The following DARS1 variants were observed in gnomAD, a reference collection of about 807,000 sequenced individuals.
The protein encoded by DARS1 is aspartate--tRNA ligase, cytoplasmic.
A neutral mutation model predicts 68.8 loss-of-function variants in DARS1; 51 were observed. The ratio of observed to expected loss-of-function variants is 0.74; its 90% CI spans 0.59 to 0.94. The LOEUF is 0.94. Ranked by LOEUF, DARS1 falls within the 40% of genes least tolerant of loss-of-function variation. The pLI is 0.00. For synonymous variants in DARS1, 203 were observed against 190.4 expected, an observed-to-expected ratio of 1.07 and a Z score of -0.55; for missense variants, 607 against 597.3, an observed-to-expected ratio of 1.02 and a Z score of -0.17.
At chr2:135,921,758 A>G (rs1681114014) in intron 9 of DARS1, among the ~76,000 whole-genome samples, 1 of 152,148 alleles carries the variant, frequency 6.6e-6, no homozygotes, top group Admixed American at 6.6e-5. Flanking sequence ...CCCCAGATTT[A>G]CTGATCAGAA....
At chr2:135,966,832 T>C (rs1553447792) in intron 3 of DARS1, among the ~76,000 whole-genome samples, 1 of 152,194 alleles carries the variant, frequency 6.6e-6, no homozygotes, top group Non-Finnish European at 1.5e-5. Context: ...TCTTTTGATA[T>C]TTTAAATTTA....
At chr2:135,969,167 C>G (rs1359297799) in intron 3 of DARS1, among the ~76,000 whole-genome samples, 1 of 152,006 alleles carries the variant, frequency 6.6e-6, no homozygotes, top group East Asian at 1.9e-4. Flanking sequence ...TGGAGAAATA[C>G]TACCTCGTGT....
chr2:135,908,929 T>C (rs193137506), intron 15 of DARS1, among the ~76,000 whole-genome samples: 2 of 152,280 alleles, frequency 1.3e-5, no homozygotes, highest in Non-Finnish European at 2.9e-5. Flanking sequence ...GTAGTACATA[T>C]ATACCACGGA....
intron 7 of DARS1, among the ~76,000 whole-genome samples, chr2:135,927,568 A>G (rs1193775275): frequency 6.6e-6 from 1 of 152,112 alleles, no homozygotes; most frequent in African/African-American, 2.4e-5. Context: ...ATTCCATAAT[A>G]TGTAAAAAAA....
At chr2:135,975,220 C>A (rs1682468642) in intron 3 of DARS1, among the ~76,000 whole-genome samples, 1 of 152,038 alleles carries the variant, frequency 6.6e-6, no homozygotes, top group South Asian at 2.1e-4. Context: ...TGGCAGGTGT[C>A]TGTAGTCCCA....
intron 13 of DARS1, 35 bp downstream of exon 13, chr2:135,912,451 C>T (rs1414737430): frequency 1.3e-6 from 1 of 762,052 alleles, no homozygotes; most frequent in Non-Finnish European, 2.3e-6. Flanking sequence ...TTCCCTTCTG[C>T]CTCAAAATGG....
chr2:135,962,414 T>C (rs1399645588), intron 3 of DARS1, among the ~76,000 whole-genome samples: 1 of 152,228 alleles, frequency 6.6e-6, no homozygotes, highest in Non-Finnish European at 1.5e-5. Flanking sequence ...CAGATTGTTT[T>C]GTAAAACATC....
intron 15 of DARS1, among the ~76,000 whole-genome samples, chr2:135,909,404 A>G (rs933185595): frequency 1.3e-5 from 2 of 152,204 alleles, no homozygotes; most frequent in South Asian, 2.1e-4. Flanking sequence ...ACAGTGTATG[A>G]TGTGACACTC....
At chr2:135,943,222 G>C in intron 5 of DARS1, 156 bp downstream of exon 5, 1 of 1,052,154 alleles carries the variant, frequency 9.5e-7, no homozygotes, top group Non-Finnish European at 1.3e-6. Flanking sequence ...TAAGTACTGG[G>C]GTGATTTGTT....
chr2:135,954,483 A>G (rs1449506478), intron 4 of DARS1, among the ~76,000 whole-genome samples: 1 of 152,182 alleles, frequency 6.6e-6, no homozygotes, highest in African/African-American at 2.4e-5. Context: ...TTAGTATAGA[A>G]TAAGAGTCAG....
At chr2:135,943,157 CAGTT>C in intron 5 of DARS1, 1 of 513,564 alleles carries the variant, frequency 1.9e-6, no homozygotes, top group Non-Finnish European at 3.2e-6. Context: ...TGAGCCATCT[CAGTT>C]GGGTGCATCA....
chr2:135,923,576 C>T (rs1345666828), intron 8 of DARS1, among the ~76,000 whole-genome samples: 1 of 152,186 alleles, frequency 6.6e-6, no homozygotes, highest in East Asian at 1.9e-4. Flanking sequence ...GCATGAGCCA[C>T]TGCGCCCAGC....
chr2:135,983,591 T>A, intron 1 of DARS1, 137 bp from the exon 2 acceptor site: 1 of 536,366 alleles, frequency 1.9e-6, no homozygotes, highest in Non-Finnish European at 3.3e-6. Flanking sequence ...GTCAGTAGTT[T>A]CATAATGTGG....
intron 3 of DARS1, among the ~76,000 whole-genome samples, chr2:135,976,811 C>G (rs1682511421): frequency 6.7e-6 from 1 of 149,316 alleles, no homozygotes; most frequent in Non-Finnish European, 1.5e-5. Context: ...AATCCAAAAT[C>G]CAAAACACTT....
intron 3 of DARS1, among the ~76,000 whole-genome samples, chr2:135,968,174 G>C (rs1231938829): frequency 5.9e-5 from 9 of 152,170 alleles, no homozygotes; most frequent in South Asian, 4.1e-4. Flanking sequence ...TAAGGCAGGA[G>C]AATCACTTGA....
At position 135,924,496 on chromosome 2, in the gene DARS1, T is replaced by G; in HGVS notation, c.567A>C (p.Thr189=). ...GACGGAAGACTGCCTGACTAGTTGA[T>G]GTCTAGAAGACAGTAATAAAATCTA... ...RLDNRVIDLR[T]STSQAVFRLQ... Residue 189 remains threonine, a splice_region_variant and synonymous_variant, in exon 8 of 16, where the codon ACA becomes ACC. Coordinates refer to ENST00000264161, the MANE Select transcript of DARS1 (RefSeq NM_001349.4). 6 of 1,605,070 alleles carry G rather than the reference T, an allele frequency of 3.7e-6. No homozygotes were observed. The highest frequency in any genetic ancestry group is 5.1e-6 in the Non-Finnish European group (6 of 1,177,352).
chr2:135,985,218 C>G, intron 1 of DARS1, 185 bp downstream of exon 1: 1 of 947,478 alleles, frequency 1.1e-6, no homozygotes. Context: ...CCGCAAGAAA[C>G]GCGGTCCGGA....
At chr2:135,924,268 A>G (rs986753826) in intron 8 of DARS1, 119 bp downstream of exon 8, 3 of 1,131,398 alleles carry the variant, frequency 2.7e-6, no homozygotes, top group South Asian at 4.0e-5. Flanking sequence ...TAGTAGTCTC[A>G]TGGCAATAAA....
In DARS1 at chr2:135,964,698, G is replaced by C. The variant is rs371022156; in HGVS notation, c.218-3200C>G. ...TCTACTAAAAATGCAAATATTAGCC[G>C]GGCGTGGTGGCAGGTGCCTGTAATA... On this transcript the variant is annotated intron_variant, in intron 3 of 15. Transcript: ENST00000264161. Among the ~76,000 whole-genome samples the C allele has an allele frequency of 4.1e-4, 62 of 151,802 alleles. 1 individual carries two copies. The highest frequency in any genetic ancestry group is 8.1e-4 in the Non-Finnish European group (55 of 67,952).
Sources: gnomAD v4.1 joint callset for allele counts (sites outside exome capture counted in the v4.1 genomes callset) on GRCh38, gnomAD v4.1.1 for gene constraint, MANE v1.5 for transcripts, NCBI Gene and HGNC (gene_info 2026-07-23, HGNC 2026-07-21) for gene names.